The following INPP4B variants were observed in gnomAD, a reference collection of about 807,000 sequenced individuals.
INPP4B encodes inositol polyphosphate 4-phosphatase type II.
Under a neutral mutation model 122.5 loss-of-function variants are expected in INPP4B, and 55 were observed. The observed-to-expected ratio is 0.45, with a 90% confidence interval of 0.36 to 0.56. The LOEUF (loss-of-function observed/expected upper bound fraction) is 0.56. Among genes scored for constraint, INPP4B ranks in the 20% least tolerant of loss-of-function variants. The probability of loss-of-function intolerance (pLI) is 0.00; values close to 1 mark genes in which losing one functional copy is unlikely to be tolerated. For synonymous variants in INPP4B, 403 were observed against 388.7 expected, an observed-to-expected ratio of 1.04 and a Z score of -0.43; for missense variants, 1,000 against 1,097.7, an observed-to-expected ratio of 0.91 and a Z score of 1.26.
intron 2 of INPP4B, among the ~76,000 whole-genome samples, chr4:142,633,441 A>G (rs1560895133): frequency 6.6e-6 from 1 of 152,174 alleles, no homozygotes. Context: ...GAACAAACTT[A>G]TTTCCAAAAC....
At chr4:142,068,585 C>A (rs977892604) in intron 25 of INPP4B, among the ~76,000 whole-genome samples, 3 of 151,932 alleles carry the variant, frequency 2.0e-5, no homozygotes, top group African/African-American at 7.3e-5. Flanking sequence ...TTGAGGAGAC[C>A]CATCTCACGT....
At chr4:142,453,828 C>T (rs1199737333) in intron 3 of INPP4B, among the ~76,000 whole-genome samples, 1 of 152,082 alleles carries the variant, frequency 6.6e-6, no homozygotes, top group South Asian at 2.1e-4. Context: ...CTGCTAAACT[C>T]GAACTGGGTG....
At chr4:142,160,285 G>C (rs563114844) in intron 17 of INPP4B, 73 bp downstream of exon 17, 3 of 1,025,234 alleles carry the variant, frequency 2.9e-6, no homozygotes, top group Non-Finnish European at 4.0e-6. Context: ...ATGGAAAGCA[G>C]AGCTATCTGA....
intron 1 of INPP4B, among the ~76,000 whole-genome samples, chr4:142,810,263 T>A (rs1779346719): frequency 6.6e-6 from 1 of 152,056 alleles, no homozygotes; most frequent in Non-Finnish European, 1.5e-5. Context: ...GTAAATTTTA[T>A]GTTAGTTATG....
chr4:142,393,091 G>A (rs1250111640), intron 7 of INPP4B, among the ~76,000 whole-genome samples: 2 of 152,118 alleles, frequency 1.3e-5, no homozygotes, highest in Non-Finnish European at 2.9e-5. Context: ...AATGACAAGA[G>A]CTGAAAGAAA....
At chr4:142,513,668 A>C (rs1277138398) in intron 2 of INPP4B, among the ~76,000 whole-genome samples, 1 of 152,178 alleles carries the variant, frequency 6.6e-6, no homozygotes, top group East Asian at 1.9e-4. Context: ...TCGGCCTCCC[A>C]AGTGCTGGGA....
chr4:142,812,975 C>T (rs1371076674), intron 1 of INPP4B, among the ~76,000 whole-genome samples: 1 of 152,166 alleles, frequency 6.6e-6, no homozygotes, highest in Non-Finnish European at 1.5e-5. Context: ...ATATTCATAA[C>T]ATAAGGCAGT....
At chr4:142,537,429 T>TATATATATATAGAGAGAG (rs1200701380) in intron 2 of INPP4B, among the ~76,000 whole-genome samples, 27 of 25,476 alleles carry the variant, frequency 1.1e-3, no homozygotes, top group South Asian at 4.0e-3. Flanking sequence ...TATATATATA[T>TATATATATATAGAGAGAG]AGAGAGAGAG....
At chr4:142,356,332 G>A (rs760263171) in intron 7 of INPP4B, among the ~76,000 whole-genome samples, 2 of 150,688 alleles carry the variant, frequency 1.3e-5, no homozygotes, top group African/African-American at 4.9e-5. Context: ...GAATGAGAAT[G>A]TACAGAGATG....
chr4:142,559,796 A>G (rs1481923474), intron 2 of INPP4B, among the ~76,000 whole-genome samples: 1 of 152,236 alleles, frequency 6.6e-6, no homozygotes, highest in Non-Finnish European at 1.5e-5. Context: ...AGAGTATACT[A>G]AAAATAATAA....
At chr4:142,518,192 CA>C (rs1825647960) in intron 2 of INPP4B, among the ~76,000 whole-genome samples, 1 of 152,004 alleles carries the variant, frequency 6.6e-6, no homozygotes, top group East Asian at 1.9e-4. Flanking sequence ...ATGCAATGAC[CA>C]AAGATTAAAA....
chr4:142,621,658 T>G (rs2150374745), intron 2 of INPP4B, among the ~76,000 whole-genome samples: 1 of 152,022 alleles, frequency 6.6e-6, no homozygotes, highest in East Asian at 1.9e-4. Context: ...TCTAAATCAG[T>G]TTTCTCACAA....
At chr4:142,285,439 C>T (rs1201802055) in intron 9 of INPP4B, among the ~76,000 whole-genome samples, 9 of 151,900 alleles carry the variant, frequency 5.9e-5, no homozygotes, top group Non-Finnish European at 1.3e-4. Flanking sequence ...GGCTCATGAC[C>T]TCAGATATAC....
chr4:142,474,023 C>T (rs1277774102), intron 2 of INPP4B, among the ~76,000 whole-genome samples: 2 of 152,142 alleles, frequency 1.3e-5, no homozygotes. Context: ...TCCCAGGAAA[C>T]ATCCGGGCTG....
At chr4:142,270,502 G>C (rs1323373994) in intron 10 of INPP4B, among the ~76,000 whole-genome samples, 161 bp downstream of exon 10, 2 of 152,172 alleles carry the variant, frequency 1.3e-5, no homozygotes, top group Non-Finnish European at 2.9e-5. Flanking sequence ...CTTTGATTCA[G>C]AGGCTGAAAC....
chr4:142,677,555 T>C (rs1196340884), intron 2 of INPP4B, among the ~76,000 whole-genome samples: 1 of 151,998 alleles, frequency 6.6e-6, no homozygotes, highest in Non-Finnish European at 1.5e-5. Flanking sequence ...ATGTTTATTG[T>C]GGCACTGTTC....
chr4:142,099,355 C>G (rs1783481057), intron 23 of INPP4B, among the ~76,000 whole-genome samples: 1 of 152,084 alleles, frequency 6.6e-6, no homozygotes, highest in Non-Finnish European at 1.5e-5. Context: ...AATTCCTCAG[C>G]CATCTCGATG....
Position 142,500,270 on chromosome 4 carries a change from A to G in INPP4B, c.-190-37544T>C, listed in dbSNP as rs188054497. Among the ~76,000 whole-genome samples the G allele has an allele frequency of 1.5e-4, 23 of 152,326 alleles. No individual in the cohort carries two copies. In the East Asian group the frequency reaches 4.2e-3, roughly 28 times the overall value. ...GAAGGCTGACTGCTGGGTCTCCTGA[A>G]CATCTGTCAGATAGAGTAGCTCCAT... On this transcript the variant is annotated intron_variant, in intron 2 of 25. Transcript: ENST00000262992.
chr4:142,317,509 G>T, intron 7 of INPP4B: 1 of 251,844 alleles, frequency 4.0e-6, no homozygotes, highest in Non-Finnish European at 8.5e-6. Context: ...CAGGGAGATG[G>T]TGTTGTCCTG....
Sources: gnomAD v4.1 joint callset for allele counts (sites outside exome capture counted in the v4.1 genomes callset) on GRCh38, gnomAD v4.1.1 for gene constraint, MANE v1.5 for transcripts, NCBI Gene and HGNC (gene_info 2026-07-23, HGNC 2026-07-21) for gene names.